The following DMD variants were observed in gnomAD, a reference collection of about 807,000 sequenced individuals.
DMD encodes the protein dystrophin.
Under a neutral mutation model 330.1 loss-of-function variants are expected in DMD, and 63 were observed. That is an observed-to-expected ratio of 0.19 (90% CI 0.16 to 0.24). The LOEUF is 0.24. Ranked by LOEUF, DMD falls within the 10% of genes least tolerant of loss-of-function variation. The pLI is 1.00. For synonymous variants in DMD, 1,223 were observed against 959.8 expected, an observed-to-expected ratio of 1.27 and a Z score of -5.07; for missense variants, 3,344 against 2,684.1, an observed-to-expected ratio of 1.25 and a Z score of -5.43.
intron 7 of DMD, among the ~76,000 whole-genome samples, chrX:32,773,038 G>C (rs370631081): frequency 4.5e-5 from 5 of 111,507 alleles, no homozygotes; most frequent in African/African-American, 1.6e-4. Flanking sequence ...GTATCCTTCC[G>C]TCATGCTCCT....
At chrX:31,238,114 C>T (rs926617156) in intron 63 of DMD, among the ~76,000 whole-genome samples, 2 of 111,827 alleles carry the variant, frequency 1.8e-5, no homozygotes, top group African/African-American at 6.5e-5. Flanking sequence ...ATCCAAGAAT[C>T]GGGCAGACTC....
intron 43 of DMD, among the ~76,000 whole-genome samples, chrX:32,241,757 T>C (rs753822799): frequency 8.9e-6 from 1 of 112,576 alleles, no homozygotes; most frequent in African/African-American, 3.2e-5. Context: ...GTTCTGTAAA[T>C]ATATCCTTTT....
intron 17 of DMD, among the ~76,000 whole-genome samples, chrX:32,520,726 G>A (rs1354704423): frequency 1.8e-5 from 2 of 111,359 alleles, no homozygotes; most frequent in Non-Finnish European, 3.8e-5. Context: ...TTTGTTTCCT[G>A]GGATCACTTT....
At chrX:32,483,020 C>T in intron 21 of DMD, among the ~76,000 whole-genome samples, 1 of 106,576 alleles carries the variant, frequency 9.4e-6, no homozygotes, top group Non-Finnish European at 1.9e-5. Flanking sequence ...TGGAGGAATA[C>T]AAGAAATGAG....
intron 60 of DMD, among the ~76,000 whole-genome samples, chrX:31,363,417 T>C (rs1032774708): frequency 1.5e-4 from 14 of 94,922 alleles, no homozygotes; most frequent in African/African-American, 2.0e-4. Context: ...AGTCTTGCTC[T>C]GTCACCAGGC....
At chrX:32,942,409 G>A (rs1019618475) in intron 2 of DMD, among the ~76,000 whole-genome samples, 4 of 110,952 alleles carry the variant, frequency 3.6e-5, no homozygotes, top group African/African-American at 3.3e-5. Context: ...CAGGTGTGGC[G>A]GTGTGTGCCT....
chrX:32,519,589 C>A (rs1451792301), intron 17 of DMD, among the ~76,000 whole-genome samples: 1 of 111,625 alleles, frequency 9.0e-6, no homozygotes, highest in Non-Finnish European at 1.9e-5. Flanking sequence ...TGATATAGCC[C>A]ATGATTTCAA....
chrX:32,184,657 T>G (rs1227405799), intron 44 of DMD, among the ~76,000 whole-genome samples: 1 of 110,976 alleles, frequency 9.0e-6, no homozygotes, highest in African/African-American at 3.3e-5. Flanking sequence ...ACCACTCTTC[T>G]TGCAAAAAGC....
At chrX:31,252,779 C>T (rs761105086) in intron 63 of DMD, among the ~76,000 whole-genome samples, 5 of 111,786 alleles carry the variant, frequency 4.5e-5, no homozygotes, top group Non-Finnish European at 9.4e-5. Context: ...TCTGGGAGGC[C>T]GAGGCGGGTG....
At chrX:33,110,155 C>T (rs770433430) in intron 1 of DMD, among the ~76,000 whole-genome samples, 10 of 110,615 alleles carry the variant, frequency 9.0e-5, no homozygotes, top group Non-Finnish European at 1.7e-4. Context: ...AAAATTTCCT[C>T]TTCAGTCCTT....
intron 1 of DMD, among the ~76,000 whole-genome samples, chrX:33,230,028 A>T (rs2052362136): frequency 8.9e-6 from 1 of 112,483 alleles, no homozygotes; most frequent in Non-Finnish European, 1.9e-5. Context: ...TATGCATGTG[A>T]TTACACAAAG....
intron 16 of DMD, among the ~76,000 whole-genome samples, chrX:32,564,922 A>T (rs1204226556): frequency 8.9e-6 from 1 of 111,807 alleles, no homozygotes; most frequent in Non-Finnish European, 1.9e-5. Context: ...TTTTGAGTAA[A>T]GTTATTCCTT....
intron 43 of DMD, among the ~76,000 whole-genome samples, chrX:32,267,251 TTTC>T (rs772325116): frequency 1.1e-4 from 12 of 112,317 alleles, no homozygotes; most frequent in Non-Finnish European, 1.5e-4. Flanking sequence ...TCTCTTAAAC[TTTC>T]TTCTTTATAC....
rs769077833 is a variant in DMD at position 31,504,473 on chromosome X, AAT to A, written c.8390+2806_8390+2807del. On this transcript the variant is annotated intron_variant, in intron 56 of 78. Transcript: ENST00000357033. ...CAATGGGCCAACTGTAATTTTTTAT[AAT>A]ATGTTATAACTTGGGCAAACACAGG... Among the ~76,000 whole-genome samples the A allele has an allele frequency of 9.8e-5, 11 of 112,130 alleles. No homozygotes were observed. The South Asian group carries it at 4.1e-3, about 42-fold the overall frequency.
At chrX:32,244,189 C>T (rs1386867812) in intron 43 of DMD, among the ~76,000 whole-genome samples, 1 of 99,474 alleles carries the variant, frequency 1.0e-5, no homozygotes, top group African/African-American at 3.7e-5. Flanking sequence ...CCCACCCCAC[C>T]TATGAGTGAG....
intron 9 of DMD, among the ~76,000 whole-genome samples, chrX:32,673,231 T>A (rs1199922601): frequency 9.1e-6 from 1 of 110,313 alleles, no homozygotes; most frequent in Non-Finnish European, 1.9e-5. Flanking sequence ...ATGATAAACC[T>A]CCCCCACCCC....
At chrX:32,176,783 G>A (rs193258254) in intron 44 of DMD, among the ~76,000 whole-genome samples, 51 of 110,976 alleles carry the variant, frequency 4.6e-4, no homozygotes, top group Admixed American at 3.6e-3. Flanking sequence ...GTCACCTTTC[G>A]TCCTGACATC....
intron 7 of DMD, among the ~76,000 whole-genome samples, chrX:32,718,479 CT>C (rs1266906257): frequency 9.0e-6 from 1 of 111,686 alleles, no homozygotes; most frequent in African/African-American, 3.3e-5. Context: ...AATTAAGCCT[CT>C]TTTCTTTATA....
chrX:32,885,316 G>T (rs2149225632), intron 2 of DMD, among the ~76,000 whole-genome samples: 1 of 111,390 alleles, frequency 9.0e-6, no homozygotes, highest in African/African-American at 3.3e-5. Context: ...GCTTCCTATG[G>T]CTAGATTCAA....
Sources: gnomAD v4.1 joint callset for allele counts (sites outside exome capture counted in the v4.1 genomes callset) on GRCh38, gnomAD v4.1.1 for gene constraint, MANE v1.5 for transcripts, NCBI Gene and HGNC (gene_info 2026-07-23, HGNC 2026-07-21) for gene names.